The following MAPK6 variants were observed in gnomAD, a reference collection of about 807,000 sequenced individuals.
MAPK6 encodes mitogen-activated protein kinase 6, also known as ERK-3.
MAPK6 carries 19 observed loss-of-function variants against 59.3 expected under a neutral mutation model. That is an observed-to-expected ratio of 0.32 (90% CI 0.22 to 0.47). The LOEUF is 0.47. Ranked by LOEUF, MAPK6 falls within the 20% of genes least tolerant of loss-of-function variation. The pLI, the probability that MAPK6 is intolerant of heterozygous loss-of-function variation, is 1.00. For missense variants in MAPK6, 724 were observed against 847.9 expected (o/e 0.85, Z 1.81); for synonymous variants, 316 against 290.3 (o/e 1.09, Z -0.90).
chr15:51,993,739 T>C (rs2414124), intron 2 of MAPK6, among the ~76,000 whole-genome samples: 149,411 of 151,826 alleles, frequency 0.98, 73,551 homozygotes, highest in East Asian at 1. Flanking sequence ...TGACACCTAA[T>C]AGCAATGCGT....
chr15:51,991,136 AAT>A lies in MAPK6; in HGVS notation c.-770+7833_-770+7834del, dbSNP rs375294325. On this transcript the variant is annotated intron_variant, in intron 2 of 7. Coordinates refer to the MAPK6 transcript ENST00000691380. ...AGAGCGAAATTCCATCTCAAAAAGA[AAT>A]ATATATATATACACACACACACACA... Among the ~76,000 whole-genome samples the A allele has an allele frequency of 3.4e-3, 474 of 139,430 alleles. 6 individuals are homozygous for A. Among genetic ancestry groups the A allele is most frequent in the African/African-American group, 8.4e-3 (294 of 34,796 alleles). The allele number at this position is 139,430 out of a possible 152,430, so 91.5% of individuals were successfully genotyped here. A position where few individuals can be genotyped will look rare whatever the true frequency, so the allele number is the denominator to read the frequency against.
At chr15:51,995,975 G>T (rs1020596928) in intron 2 of MAPK6, among the ~76,000 whole-genome samples, 4 of 152,034 alleles carry the variant, frequency 2.6e-5, no homozygotes, top group Admixed American at 2.0e-4. Flanking sequence ...CAACTTACAG[G>T]CTTTCTAAAT....
chr15:52,016,066 GCGCGCACA>G (rs1395255948), upstream of MAPK6, among the ~76,000 whole-genome samples: 53 of 44,392 alleles, frequency 1.2e-3, no homozygotes, highest in Admixed American at 3.3e-3. Flanking sequence ...GCGCGCGCGC[GCGCGCACA>G]CACACACACA....
At chr15:51,994,386 C>T (rs2057218746) in intron 2 of MAPK6, among the ~76,000 whole-genome samples, 1 of 152,070 alleles carries the variant, frequency 6.6e-6, no homozygotes. Context: ...CAGAGGATTG[C>T]TTGAACCCAG....
intron 2 of MAPK6, among the ~76,000 whole-genome samples, chr15:52,048,314 C>A (rs1320232641): frequency 1.3e-5 from 2 of 151,946 alleles, no homozygotes; most frequent in Non-Finnish European, 2.9e-5. Flanking sequence ...CACGCCCAGC[C>A]CACATTAAGG....
intron 1 of MAPK6, chr15:52,033,773 G>A (rs1250339938): frequency 6.6e-6 from 1 of 151,752 alleles, no homozygotes; most frequent in African/African-American, 2.4e-5. Context: ...AATACATCTG[G>A]GTTAATAGGC....
At chr15:52,049,377 A>T (rs1252980886) in intron 2 of MAPK6, among the ~76,000 whole-genome samples, 3 of 130,658 alleles carry the variant, frequency 2.3e-5, no homozygotes, top group Non-Finnish European at 4.7e-5. Flanking sequence ...TTTTTTTTTT[A>T]AAGACAGGGT....
In MAPK6 at chr15:52,067,012, G is replaced by A. The variant is rs1337365316; in HGVS notation, c.*2012G>A. ...TCAGACAGGATGTAAAGGAAGCAAC[G>A]GGCAGCAGACATTGGTCCCTGATCC... is the stretch of plus-strand genomic sequence containing the variant. On this transcript the variant is annotated 3_prime_UTR_variant, in exon 6 of 6. Coordinates refer to ENST00000261845, the MANE Select transcript of MAPK6 (RefSeq NM_002748.4). 6.6e-6 allele frequency: 1 copy of A among 152,090 alleles called. No homozygotes were observed. Among genetic ancestry groups the A allele is most frequent in the Admixed American group, 6.6e-5 (1 of 15,266 alleles). 9.4% of individuals were successfully genotyped at this position (152,090 alleles called of 1,614,324 possible). A position where few individuals can be genotyped will look rare whatever the true frequency, so the allele number is the denominator to read the frequency against.
intron 2 of MAPK6, among the ~76,000 whole-genome samples, chr15:51,986,151 G>T (rs1209832508): frequency 6.6e-6 from 1 of 152,064 alleles, no homozygotes; most frequent in Non-Finnish European, 1.5e-5. Context: ...TGGAGAAGCC[G>T]AAAAAGTGAA....
intron 2 of MAPK6, among the ~76,000 whole-genome samples, chr15:51,991,950 G>A (rs565821054): frequency 2.0e-5 from 3 of 152,260 alleles, no homozygotes; most frequent in South Asian, 4.1e-4. Context: ...AGGCAACTAA[G>A]TATTTATTTA....
chr15:51,972,223 C>T (rs2141794127), intron 1 of MAPK6, among the ~76,000 whole-genome samples: 1 of 152,250 alleles, frequency 6.6e-6, no homozygotes, highest in South Asian at 2.1e-4. Context: ...ACAGCAACCT[C>T]CACTGTCCGG....
rs1365996179 is a variant in MAPK6, at chr15:52,065,540, CA to C, written c.*541del. 3 of 152,656 alleles carry C rather than the reference CA, an allele frequency of 2.0e-5. No individual in the cohort carries two copies. The highest frequency in any genetic ancestry group is 4.4e-5 in the Non-Finnish European group (3 of 68,068). 9.5% of individuals were successfully genotyped at this position (152,656 alleles called of 1,614,324 possible). ...AAAACATATACCACCCATAGTGCTTCACAAAATGCACTTCTATTTAGCCAGC... is the reference window on the plus strand; with the variant it reads ...AAAACATATACCACCCATAGTGCTTCCAAAATGCACTTCTATTTAGCCAGC... On this transcript the variant is annotated 3_prime_UTR_variant, in exon 6 of 6. Coordinates refer to ENST00000261845, the MANE Select transcript of MAPK6 (RefSeq NM_002748.4).
intron 1 of MAPK6, among the ~76,000 whole-genome samples, chr15:52,041,244 T>C (rs559637370): frequency 3.7e-4 from 57 of 152,332 alleles, no homozygotes; most frequent in Non-Finnish European, 6.3e-4. Context: ...TTGCTCAGGC[T>C]AGAGTGCAAT....
rs1437178147 is a variant in MAPK6, at chr15:52,006,702, G to A, written c.-632+2300G>A. ...GGGGCCAATCAACCCTGGTAAACCT[G>A]CAATCAAGTTCTTCAAGCAGCAAAT... is the stretch of plus-strand genomic sequence containing the variant. On this transcript the variant is annotated intron_variant, in intron 3 of 7. Transcript: ENST00000691380. Among the ~76,000 whole-genome samples, 3 of 152,118 alleles carry A rather than the reference G, an allele frequency of 2.0e-5. No individual in the cohort carries two copies. The East Asian group carries it at 5.8e-4, about 29-fold the overall frequency.
rs2032446276 is a variant in MAPK6 at position 52,067,214 on chromosome 15, A to G, written c.*2214A>G. The G allele has an allele frequency of 6.6e-6, 1 of 152,216 alleles. No homozygotes were observed. Among genetic ancestry groups the G allele is most frequent in the Admixed American group, 6.5e-5 (1 of 15,292 alleles). 9.4% of individuals were successfully genotyped at this position (152,216 alleles called of 1,614,324 possible). A position where few individuals can be genotyped will look rare whatever the true frequency, so the allele number is the denominator to read the frequency against. ...TTGGCAGTTTAGTGGCCATCTACAC[A>G]ATGATCTGACTTGTTGGCATTAAAA... is the stretch of plus-strand genomic sequence containing the variant. On this transcript the variant is annotated 3_prime_UTR_variant, in exon 6 of 6. Transcript: ENST00000261845.
chr15:52,047,623 G>A (rs902250984), intron 2 of MAPK6, among the ~76,000 whole-genome samples: 3 of 151,692 alleles, frequency 2.0e-5, no homozygotes, highest in Admixed American at 2.0e-4. Context: ...TAGGATTACA[G>A]GTGTGAGCCC....
intron 1 of MAPK6, among the ~76,000 whole-genome samples, chr15:52,023,212 C>A (rs2030614243): frequency 6.6e-6 from 1 of 151,584 alleles, no homozygotes; most frequent in Admixed American, 6.6e-5. Flanking sequence ...AGCCTTCTTA[C>A]CACTGCTATC....
intron 2 of MAPK6, among the ~76,000 whole-genome samples, chr15:51,995,617 G>A (rs1566895452): frequency 6.6e-6 from 1 of 152,112 alleles, no homozygotes; most frequent in East Asian, 1.9e-4. Flanking sequence ...TTGTTCCTGG[G>A]GCCACAATCA....
chr15:52,064,036 A>C lies in MAPK6; in HGVS notation c.1202A>C (p.Tyr401Ser). 6.2e-7 allele frequency: 1 copy of C among 1,613,788 alleles called. No homozygotes were observed. Among genetic ancestry groups the C allele is most frequent in the Non-Finnish European group, 8.5e-7 (1 of 1,179,792 alleles). ...EEEVQVDPRK[Y>S]LDGDREKYLE... is the part of the protein sequence containing the mutation. ...GAAGTACAAGTTGATCCCCGAAAAT[A>C]TTTGGATGGAGATCGGGAAAAGTAT... Residue 401 changes from tyrosine to serine, a missense_variant, in exon 6 of 6, where the codon TAT (tyrosine) becomes TCT (serine). Coordinates refer to ENST00000261845, the MANE Select transcript of MAPK6 (RefSeq NM_002748.4).
Sources: allele counts gnomAD v4.1 joint callset (sites outside exome capture counted in the v4.1 genomes callset), GRCh38; gene constraint gnomAD v4.1.1; transcripts MANE v1.5; gene names NCBI Gene and HGNC (gene_info 2026-07-23, HGNC 2026-07-21).